MED16: variants seen among roughly 807,000 people sequenced by gnomAD.
The protein encoded by MED16 is mediator complex subunit 16, also known as mediator of RNA polymerase II transcription subunit 16.
In MED16, 81 loss-of-function variants were observed where a neutral mutation model predicts 84.4. That is an observed-to-expected ratio of 0.96 (90% CI 0.80 to 1.15). MED16 has a LOEUF of 1.15. MED16 is among the 50% of genes most tolerant of loss of function. The pLI, the probability that MED16 is intolerant of heterozygous loss-of-function variation, is 0.00. For synonymous variants in MED16, 897 were observed against 552.2 expected (o/e 1.62, Z -8.76); for missense variants, 1,585 against 1,245.9 (o/e 1.27, Z -4.10).
chr19:893,161 A>G lies in MED16; in HGVS notation c.-94T>C, dbSNP rs1371112121. 6.6e-6 allele frequency: 1 copy of G among 152,242 alleles called. No homozygotes were observed. Among genetic ancestry groups the G allele is most frequent in the African/African-American group, 2.4e-5 (1 of 41,462 alleles). The allele number at this position is 152,242 out of a possible 1,614,324, so 9.4% of individuals were successfully genotyped here. ...CTAGCGCCTCGGGTCTGGCGCCGCCATCTTCCTCGGTAACAACCAGTCGCC... is the reference window on the plus strand; with the variant it reads ...CTAGCGCCTCGGGTCTGGCGCCGCCGTCTTCCTCGGTAACAACCAGTCGCC... On this transcript the variant is annotated 5_prime_UTR_variant, in exon 1 of 16. It removes an upstream start codon present in the reference 5' UTR. Transcript: ENST00000325464.
rs768742362 is a variant in MED16, at chr19:875,423, G to T, written c.1592C>A (p.Ala531Asp). 6.2e-7 allele frequency: 1 copy of T among 1,605,130 alleles called. No individual in the cohort carries two copies. Among genetic ancestry groups the T allele is most frequent in the Non-Finnish European group, 8.5e-7 (1 of 1,179,662 alleles). ...VLSTRILAMKASLCKLSPCTV... is the reference protein window; with the variant it reads ...VLSTRILAMKDSLCKLSPCTV... The stretch of plus-strand genomic sequence containing the variant: ...GCAGGGCGACAGCTTGCAGAGCGAG[G>T]CCTTCATGGCCAGGATCCGGGTGGA... The change falls in exon 10 of 16, where the codon GCC (alanine) becomes GAC (aspartate). Residue 531 changes from alanine to aspartate, a missense_variant. By Grantham distance (126) the Ala-to-Asp change is moderately radical (BLOSUM62 -2). Coordinates refer to ENST00000325464, the MANE Select transcript of MED16 (RefSeq NM_005481.3).
chr19:869,476 C>G (rs2035995969), intron 13 of MED16, among the ~76,000 whole-genome samples: 1 of 152,146 alleles, frequency 6.6e-6, no homozygotes, highest in African/African-American at 2.4e-5. Context: ...CATTAAATAT[C>G]TGAAATTTTC....
rs756603879 is a variant in MED16 at position 881,621 on chromosome 19, G to A, written c.1079C>T (p.Pro360Leu). The change falls in exon 7 of 16, where the codon CCC becomes CTC. Residue 360 changes from proline (P) to leucine (L), a missense_variant. Physicochemically the swap from Pro to Leu is moderately conservative, Grantham distance 98. Transcript: ENST00000325464. Reference sequence around the variant, plus strand: ...GAGGTCGGTGTTGGTGAGCGAGATGGGCAGCTTGGGCAGCGCCACGGCCGA... The same window carrying A: ...GAGGTCGGTGTTGGTGAGCGAGATGAGCAGCTTGGGCAGCGCCACGGCCGA... Reference protein sequence around the residue: ...RVSAVALPKLPISLTNTDLKV... With the variant: ...RVSAVALPKLLISLTNTDLKV... 2 of 1,612,646 alleles carry A rather than the reference G, an allele frequency of 1.2e-6. No individual in the cohort carries two copies. The highest frequency in any genetic ancestry group is 1.7e-5 in the Admixed American group (1 of 60,014).
chr19:885,141 CCCT>C (rs1164556943), intron 5 of MED16, 133 bp from the exon 6 acceptor site: 1 of 661,088 alleles, frequency 1.5e-6, no homozygotes, highest in African/African-American at 1.8e-5. Flanking sequence ...GCCCCTCGGG[CCCT>C]CCTGGATTCC....
At chr19:872,327 T>A (rs1378534152) in intron 11 of MED16, among the ~76,000 whole-genome samples, 1 of 151,906 alleles carries the variant, frequency 6.6e-6, no homozygotes, top group Non-Finnish European at 1.5e-5. Flanking sequence ...ACAGCCCCAT[T>A]TGCAGAGTCG....
chr19:871,221 CGTCCG>C lies in MED16; in HGVS notation c.2126_2130del (p.Pro709ArgfsTer6). ...AGGCAGCATTCATCCACCAGCGCCT[CGTCCG>C]GCTCGCTCGCTGGGCCCTCATCGCG... On this transcript the variant is annotated frameshift_variant, in exon 13 of 16. Transcript: ENST00000325464. LOFTEE classifies it high-confidence loss of function. 1 of 1,545,732 alleles carries C rather than the reference CGTCCG, an allele frequency of 6.5e-7. No homozygotes were observed. The highest frequency in any genetic ancestry group is 8.7e-7 in the Non-Finnish European group (1 of 1,143,202).
rs771060779 is a variant in MED16 at position 868,249 on chromosome 19, G to C, written c.2486C>G (p.Ala829Gly). Reference protein sequence around the residue: ...WEQRWIKNCLAVEGRGPDACV... With the variant: ...WEQRWIKNCLGVEGRGPDACV... ...GGCGTCCGGCCCACGGCCTTCAACA[G>C]CCCTGCAGGGCGGGCTGAGGTTAAC... Residue 829 changes from alanine (A) to glycine (G), a missense_variant and splice_region_variant, in exon 16 of 16, where the codon GCT becomes GGT. Transcript: ENST00000325464. 8.8e-6 allele frequency: 14 copies of C among 1,593,800 alleles called. No homozygotes were observed. Among genetic ancestry groups the C allele is most frequent in the Middle Eastern group, 1.7e-4 (1 of 5,990 alleles).
intron 4 of MED16, 37 bp from the exon 5 acceptor site, chr19:886,238 G>C: frequency 6.8e-7 from 1 of 1,465,474 alleles, no homozygotes; most frequent in Non-Finnish European, 9.0e-7. Flanking sequence ...GGGCCGCTCA[G>C]GCTCATGGGG....
rs1264211368 is a variant in MED16, at chr19:870,913, G to A, written c.2315+124C>T. Reference sequence around the variant, plus strand: ...GGGCAGGACATGGAGGCGGGGAGCCGTGTGGATTCGGGGGGACCTGGGGCA... The same window carrying A: ...GGGCAGGACATGGAGGCGGGGAGCCATGTGGATTCGGGGGGACCTGGGGCA... On this transcript the variant is annotated intron_variant, in intron 13 of 15. Transcript: ENST00000325464. 4.3e-5 allele frequency: 41 copies of A among 955,350 alleles called. 1 individual carries two copies. Among genetic ancestry groups the A allele is most frequent in the East Asian group, 8.1e-5 (3 of 36,818 alleles). 59.2% of individuals were successfully genotyped at this position (955,350 alleles called of 1,614,324 possible). A position where few individuals can be genotyped will look rare whatever the true frequency, so the allele number is the denominator to read the frequency against.
intron 7 of MED16, among the ~76,000 whole-genome samples, chr19:880,798 G>A (rs944968197): frequency 2.6e-5 from 4 of 152,076 alleles, no homozygotes; most frequent in African/African-American, 9.7e-5. Flanking sequence ...GCACGCGCCT[G>A]TAGTCCCAGC....
chr19:881,466 T>G, intron 7 of MED16, 93 bp downstream of exon 7: 1 of 1,426,364 alleles, frequency 7.0e-7, no homozygotes, highest in Non-Finnish European at 9.4e-7. Flanking sequence ...CGTCCTCTGG[T>G]GTGAGCTCCC....
At chr19:889,466 T>C (rs1349671962) in intron 4 of MED16, among the ~76,000 whole-genome samples, 172 bp downstream of exon 4, 1 of 151,936 alleles carries the variant, frequency 6.6e-6, no homozygotes, top group Admixed American at 6.6e-5. Context: ...CTCAGTTAAA[T>C]GAGAGGCCAC....
Position 872,102 on chromosome 19 carries a change from G to T in MED16, c.1922C>A (p.Pro641Gln), listed in dbSNP as rs777294692. Residue 641 changes from proline to glutamine, a missense_variant, in exon 12 of 16, where the codon CCG (proline) becomes CAG (glutamine). Transcript: ENST00000325464. Reference sequence around the variant, plus strand: ...GCCGTCCCGCAGAAAGCTGTGGCCCGGCCTCAGCAGGGAACCCTGCCCGAA... The same window carrying T: ...GCCGTCCCGCAGAAAGCTGTGGCCCTGCCTCAGCAGGGAACCCTGCCCGAA... ...SLPNQGSLLR[P>Q]GHSFLRDGTS... 1 of 1,605,304 alleles carries T rather than the reference G, an allele frequency of 6.2e-7. No homozygotes were observed.
Position 868,193 on chromosome 19 carries a change from G to A in MED16, c.2542C>T (p.Pro848Ser). 5.6e-6 allele frequency: 9 copies of A among 1,607,644 alleles called. No homozygotes were observed. Among genetic ancestry groups the A allele is most frequent in the Non-Finnish European group, 7.6e-6 (9 of 1,177,704 alleles). The change falls in exon 16 of 16, where the codon CCT becomes TCT. Residue 848 changes from proline (P) to serine (S), a missense_variant. Transcript: ENST00000325464. ...CVTSRASEEA[P>S]AFVQLGPQST... ...TGCGGGCCCAGCTGGACAAAGGCAG[G>A]GGCTTCCTCAGAAGCTCTGCTGGTC...
intron 9 of MED16, among the ~76,000 whole-genome samples, chr19:876,396 G>C (rs763610157): frequency 1.3e-5 from 2 of 152,176 alleles, no homozygotes; most frequent in South Asian, 2.1e-4. Context: ...TGTTTGCTGA[G>C]GCCTCACACC....
intron 5 of MED16, among the ~76,000 whole-genome samples, chr19:885,565 G>C (rs1308466336): frequency 1.3e-5 from 2 of 152,270 alleles, no homozygotes; most frequent in Admixed American, 6.5e-5. Flanking sequence ...CGGGAGGAAG[G>C]CGCCCCGAAC....
intron 12 of MED16, chr19:871,472 C>T (rs2036053157): frequency 4.8e-6 from 7 of 1,451,888 alleles, no homozygotes; most frequent in African/African-American, 1.4e-5. Flanking sequence ...TCTGGCCTGT[C>T]ATGAGACTCC....
chr19:890,938 G>T, intron 2 of MED16, 25 bp downstream of exon 2: 1 of 1,607,340 alleles, frequency 6.2e-7, no homozygotes, highest in Non-Finnish European at 8.5e-7. Context: ...GGCCGGGAGG[G>T]GAAGCAGGTG....
chr19:873,269 G>T (rs1314436504), intron 11 of MED16, among the ~76,000 whole-genome samples, 180 bp downstream of exon 11: 3 of 121,618 alleles, frequency 2.5e-5, no homozygotes, highest in Non-Finnish European at 5.0e-5. Context: ...CAGGGGCGGG[G>T]CTGAGGTGGG....
Sources: allele counts gnomAD v4.1 joint callset (sites outside exome capture counted in the v4.1 genomes callset), GRCh38; gene constraint gnomAD v4.1.1; transcripts MANE v1.5; gene names NCBI Gene and HGNC (gene_info 2026-07-23, HGNC 2026-07-21).